Variants in EXOC2 observed in about 807,000 individuals in gnomAD.
EXOC2 encodes the protein exocyst complex component 2.
In EXOC2, 70 loss-of-function variants were observed where a neutral mutation model predicts 131.8. The observed-to-expected ratio is 0.53, with a 90% CI of 0.44 to 0.65. The LOEUF (loss-of-function observed/expected upper bound fraction) is 0.65. Among genes scored for constraint, EXOC2 ranks in the 30% least tolerant of loss-of-function variants. The pLI, the probability that EXOC2 is intolerant of heterozygous loss-of-function variation, is 0.00. For synonymous variants in EXOC2, 411 were observed against 398.4 expected, an observed-to-expected ratio of 1.03 and a Z score of -0.38; for missense variants, 923 against 1,108.6, an observed-to-expected ratio of 0.83 and a Z score of 2.38.
At chr6:555,883 T>C in intron 19 of EXOC2, 71 bp downstream of exon 19, 1 of 1,443,722 alleles carries the variant, frequency 6.9e-7, no homozygotes, top group Non-Finnish European at 9.6e-7. Flanking sequence ...CTGCAGATTA[T>C]AAATAGGAGA....
chr6:678,475 C>A (rs993209731), intron 1 of EXOC2, among the ~76,000 whole-genome samples: 1 of 152,218 alleles, frequency 6.6e-6, no homozygotes, highest in Non-Finnish European at 1.5e-5. Context: ...GGGCCAGGTG[C>A]GTCATTAGCT....
chr6:549,781 C>A (rs1405697725), intron 21 of EXOC2, among the ~76,000 whole-genome samples: 2 of 152,164 alleles, frequency 1.3e-5, no homozygotes, highest in Non-Finnish European at 2.9e-5. Flanking sequence ...GTATGATGGG[C>A]TCCTTTAAAT....
intron 23 of EXOC2, among the ~76,000 whole-genome samples, chr6:508,523 G>A (rs1440777480): frequency 2.6e-5 from 4 of 152,198 alleles, no homozygotes; most frequent in East Asian, 1.9e-4. Flanking sequence ...ACAGAGTGTC[G>A]TATAGTTGGA....
At chr6:589,569 A>G (rs541347159) in intron 11 of EXOC2, among the ~76,000 whole-genome samples, 3 of 152,260 alleles carry the variant, frequency 2.0e-5, no homozygotes, top group African/African-American at 7.2e-5. Context: ...ACTTTTCACT[A>G]TTCCAACTGA....
chr6:545,249 T>C (rs542066989), intron 22 of EXOC2, among the ~76,000 whole-genome samples: 15 of 151,886 alleles, frequency 9.9e-5, no homozygotes, highest in African/African-American at 3.4e-4. Flanking sequence ...TCTGGAAGTA[T>C]ACAAATTCTG....
rs143294645 is a variant in EXOC2 at position 679,760 on chromosome 6, T to A, written c.-44+13259A>T. ...GGAAACTATGCAGCCAGTGAAACAT[T>A]ATGAAAAACATGCGAAACCAAGAGA... On this transcript the variant is annotated intron_variant, in intron 1 of 27. Coordinates refer to ENST00000230449, the MANE Select transcript of EXOC2 (RefSeq NM_018303.6). Among the ~76,000 whole-genome samples, 662 of 152,304 alleles carry A rather than the reference T, an allele frequency of 4.3e-3. 4 individuals are homozygous for A. The highest frequency in any genetic ancestry group is 0.015 in the African/African-American group (621 of 41,552).
intron 11 of EXOC2, among the ~76,000 whole-genome samples, chr6:587,455 A>C (rs1033095748): frequency 6.6e-6 from 1 of 152,198 alleles, no homozygotes; most frequent in African/African-American, 2.4e-5. Flanking sequence ...TGTGTTAGCC[A>C]GGATGGTCTC....
chr6:631,579 A>C (rs1761860331), intron 3 of EXOC2, among the ~76,000 whole-genome samples: 1 of 152,096 alleles, frequency 6.6e-6, no homozygotes, highest in South Asian at 2.1e-4. Context: ...ACCTTTACTA[A>C]GCCTACTATG....
chr6:490,950 A>C (rs992075192), intron 26 of EXOC2, among the ~76,000 whole-genome samples, 175 bp downstream of exon 26: 1 of 152,242 alleles, frequency 6.6e-6, no homozygotes, highest in Non-Finnish European at 1.5e-5. Context: ...TGAAAAAATT[A>C]TATTAAACCC....
chr6:572,702 T>G, intron 12 of EXOC2, 58 bp from the exon 13 acceptor site: 1 of 1,581,806 alleles, frequency 6.3e-7, no homozygotes, highest in Non-Finnish European at 8.6e-7. Context: ...AAAACACCTT[T>G]GAGCATATTG....
intron 23 of EXOC2, chr6:525,467 A>G (rs1272829187): frequency 6.6e-6 from 1 of 152,226 alleles, no homozygotes; most frequent in Non-Finnish European, 1.5e-5. Context: ...ACTCCTGAAA[A>G]TATCAGGAAA....
At chr6:588,977 G>A (rs1045573905) in intron 11 of EXOC2, among the ~76,000 whole-genome samples, 1 of 152,150 alleles carries the variant, frequency 6.6e-6, no homozygotes, top group African/African-American at 2.4e-5. Context: ...GATATGACGA[G>A]ATAGATGAAA....
chr6:596,577 G>A (rs1005470833), intron 10 of EXOC2, among the ~76,000 whole-genome samples: 4 of 152,094 alleles, frequency 2.6e-5, no homozygotes, highest in African/African-American at 7.2e-5. Flanking sequence ...ATATTGCCCA[G>A]GCTAGTCTTG....
chr6:561,124 T>G (rs545093793), intron 17 of EXOC2, among the ~76,000 whole-genome samples: 1 of 152,362 alleles, frequency 6.6e-6, no homozygotes, highest in South Asian at 2.1e-4. Flanking sequence ...AAAAAAGCAT[T>G]GCTTTTCTAA....
chr6:559,966 T>A (rs191622419), intron 17 of EXOC2, among the ~76,000 whole-genome samples: 210 of 152,344 alleles, frequency 1.4e-3, no homozygotes, highest in African/African-American at 4.9e-3. Flanking sequence ...ATGTCTAACC[T>A]GCCTGCACCT....
At position 592,459 on chromosome 6, in the gene EXOC2, A is replaced by ACTCC; in HGVS notation, c.1192+9_1192+10insGGAG. On this transcript the variant is annotated intron_variant, in intron 11 of 27. Transcript: ENST00000230449. Reference sequence around the variant, plus strand: ...GGAATCACACAACACATTGGAAGAGAAATCCTTGCCTTTCAGATCTTTCAC... The same window carrying ACTCC: ...GGAATCACACAACACATTGGAAGAGACTCCAATCCTTGCCTTTCAGATCTTTCAC... 6.2e-7 allele frequency: 1 copy of ACTCC among 1,607,448 alleles called. No individual in the cohort carries two copies. The highest frequency in any genetic ancestry group is 8.5e-7 in the Non-Finnish European group (1 of 1,174,350).
chr6:564,473 A>C (rs1356598954), intron 15 of EXOC2, 72 bp downstream of exon 15: 1 of 1,568,036 alleles, frequency 6.4e-7, no homozygotes. Context: ...TCTTCACTGA[A>C]TGTATTAATT....
intron 22 of EXOC2, among the ~76,000 whole-genome samples, chr6:548,000 T>C (rs1427830639): frequency 2.0e-5 from 3 of 152,264 alleles, no homozygotes; most frequent in Non-Finnish European, 4.4e-5. Context: ...TATTTTAAAA[T>C]GATAAATAAC....
chr6:682,646 ATATAT>A (rs1456658747), intron 1 of EXOC2, among the ~76,000 whole-genome samples: 5 of 152,200 alleles, frequency 3.3e-5, no homozygotes, highest in African/African-American at 1.2e-4. Context: ...AATATTATGC[ATATAT>A]TATGTCATAA....
Sources: gnomAD v4.1 joint callset for allele counts (sites outside exome capture counted in the v4.1 genomes callset) on GRCh38, gnomAD v4.1.1 for gene constraint, MANE v1.5 for transcripts, NCBI Gene and HGNC (gene_info 2026-07-23, HGNC 2026-07-21) for gene names.